Variants in IPP observed in about 807,000 individuals in gnomAD.
The protein encoded by IPP is intracisternal A particle-promoted polypeptide.
Under a neutral mutation model 64.1 loss-of-function variants are expected in IPP, and 41 were observed. That is an observed-to-expected ratio of 0.64 (90% confidence interval 0.50 to 0.83). The LOEUF is 0.83. IPP is among the 40% of genes least tolerant of loss of function. The probability of loss-of-function intolerance (pLI) is 0.00; values close to 1 mark genes in which losing one functional copy is unlikely to be tolerated. For missense variants in IPP, 649 were observed against 703.0 expected (o/e 0.92, Z 0.87); for synonymous variants, 214 against 235.2 (o/e 0.91, Z 0.83).
chr1:45,738,853 A>AC (rs1231472047), intron 3 of IPP, among the ~76,000 whole-genome samples: 2 of 148,986 alleles, frequency 1.3e-5, no homozygotes, highest in African/African-American at 5.0e-5. Context: ...AAAAAAAAAA[A>AC]AAAAAAAAAA....
chr1:45,718,205 T>A (rs1645686468), intron 6 of IPP, among the ~76,000 whole-genome samples: 1 of 152,224 alleles, frequency 6.6e-6, no homozygotes, highest in South Asian at 2.1e-4. Context: ...TTAGACATAA[T>A]TAGGCCACTA....
chr1:45,711,426 G>A (rs1291182335), intron 8 of IPP, among the ~76,000 whole-genome samples: 1 of 151,568 alleles, frequency 6.6e-6, no homozygotes, highest in East Asian at 1.9e-4. Context: ...AAGGAAAGAA[G>A]AAGATAAAAT....
At position 45,700,219 on chromosome 1, in the gene IPP, T is replaced by C. The variant is rs370802684; in HGVS notation, c.1531-29A>G. 1.0e-5 allele frequency: 16 copies of C among 1,592,480 alleles called. No homozygotes were observed. The African/African-American group carries it at 1.9e-4, about 19-fold the overall frequency. On this transcript the variant is annotated intron_variant, in intron 8 of 8. Coordinates refer to ENST00000396478, the MANE Select transcript of IPP (RefSeq NM_005897.3). ...GTTAAGAGAGAAAAAAAAAATATGT[T>C]AGCAGTGTTATGAAATGATAGTAAA...
chr1:45,704,391 C>T (rs1354970913), intron 8 of IPP, among the ~76,000 whole-genome samples: 2 of 152,090 alleles, frequency 1.3e-5, no homozygotes, highest in East Asian at 3.9e-4. Context: ...GCGCCTGCCA[C>T]CACGCCCAGC....
chr1:45,726,229 C>A lies in IPP; in HGVS notation c.1048+1402G>T, dbSNP rs187212576. 2.9e-3 allele frequency among the ~76,000 whole-genome samples: 432 copies of A among 149,204 alleles called. 4 individuals carry two copies. The highest frequency in any genetic ancestry group is 0.011 in the Middle Eastern group (3 of 278). ...ATCCCAGCACTATGGGAGGCTGAGG[C>A]GGATGGATCACCTGAGGTCGGGAGT... On this transcript the variant is annotated intron_variant, in intron 5 of 8. Transcript: ENST00000396478.
At chr1:45,698,463 A>G (rs1645406879), downstream of IPP, among the ~76,000 whole-genome samples, 1 of 152,174 alleles carries the variant, frequency 6.6e-6, no homozygotes, top group Non-Finnish European at 1.5e-5. Context: ...AGAAGTTTTG[A>G]GAAGCAGTTT....
At chr1:45,695,537 A>G (rs1366099523), downstream of IPP, among the ~76,000 whole-genome samples, 3 of 152,194 alleles carry the variant, frequency 2.0e-5, no homozygotes, top group East Asian at 5.8e-4. Flanking sequence ...ACTCTACTTA[A>G]GGTGGAGAAA....
At chr1:45,722,881 A>G (rs369535170) in intron 5 of IPP, among the ~76,000 whole-genome samples, 1 of 152,258 alleles carries the variant, frequency 6.6e-6, no homozygotes, top group Admixed American at 6.5e-5. Context: ...GTCAGACACA[A>G]TATTATATGA....
chr1:45,699,908 CA>C lies in IPP; in HGVS notation c.*57del, dbSNP rs1645429496. On this transcript the variant is annotated 3_prime_UTR_variant, in exon 9 of 9. Coordinates refer to ENST00000396478, the MANE Select transcript of IPP (RefSeq NM_005897.3). ...TATCACCAAATCTATGTTTGCTTTG[CA>C]AAAGGTCAGGTCCTGCATTTTCAAA... 1.9e-6 allele frequency: 3 copies of C among 1,581,050 alleles called. No individual in the cohort carries two copies. Among genetic ancestry groups the C allele is most frequent in the Non-Finnish European group, 2.6e-6 (3 of 1,162,130 alleles).
rs1309357574 is a variant in IPP at position 45,741,789 on chromosome 1, C to T, written c.293-457G>A. Among the ~76,000 whole-genome samples the T allele has an allele frequency of 3.0e-4, 38 of 126,974 alleles. 8 individuals carry two copies. Among genetic ancestry groups the T allele is most frequent in the African/African-American group, 9.5e-4 (34 of 35,606 alleles). 83.3% of individuals were successfully genotyped at this position (126,974 alleles called of 152,430 possible). ...GACTACAGGCGCCCGCCACTGCGCCCGGCTAATTTTTTGTATTTTTAGTAG... is the reference window on the plus strand; with the variant it reads ...GACTACAGGCGCCCGCCACTGCGCCTGGCTAATTTTTTGTATTTTTAGTAG... On this transcript the variant is annotated intron_variant, in intron 2 of 8. Coordinates refer to ENST00000396478, the MANE Select transcript of IPP (RefSeq NM_005897.3).
downstream of IPP, among the ~76,000 whole-genome samples, chr1:45,695,827 GC>G (rs1645383210): frequency 1.3e-5 from 2 of 152,244 alleles, no homozygotes; most frequent in South Asian, 4.1e-4. Flanking sequence ...GCGCCACCAT[GC>G]CCAGCTAATT....
chr1:45,707,828 C>G (rs1328191380), intron 8 of IPP, among the ~76,000 whole-genome samples: 1 of 151,912 alleles, frequency 6.6e-6, no homozygotes, highest in Non-Finnish European at 1.5e-5. Flanking sequence ...TTGATTAAAG[C>G]TATAATCCCA....
intron 7 of IPP, among the ~76,000 whole-genome samples, chr1:45,715,725 A>G (rs1161020923): frequency 6.6e-6 from 1 of 152,202 alleles, no homozygotes; most frequent in Admixed American, 6.6e-5. Flanking sequence ...CAGCTATGAG[A>G]AAAGATAACT....
Position 45,741,075 on chromosome 1 carries a change from T to C in IPP, c.550A>G (p.Ile184Val), listed in dbSNP as rs142176810. 6 of 1,614,032 alleles carry C rather than the reference T, an allele frequency of 3.7e-6. No homozygotes were observed. The African/African-American group carries it at 8.0e-5, about 22-fold the overall frequency. ...AGCTCTTCACTTCGCAAAATTTTGA[T>C]CAGCTGATCTTTCGTAAGTGCCAGG... ...EFLALTKDQL[I>V]KILRSEELSI... is the part of the protein sequence containing the mutation. Residue 184 changes from isoleucine (I) to valine (V), a missense_variant, in exon 3 of 9, where the codon ATC becomes GTC. Physicochemically the swap from Ile to Val is conservative, Grantham distance 29. Transcript: ENST00000396478.
intron 3 of IPP, among the ~76,000 whole-genome samples, chr1:45,730,910 A>G (rs182389518): frequency 2.0e-5 from 3 of 152,370 alleles, no homozygotes; most frequent in Admixed American, 2.0e-4. Flanking sequence ...TAAAAGGGAA[A>G]GTCTTTACAA....
intron 5 of IPP, among the ~76,000 whole-genome samples, chr1:45,724,957 C>T (rs1645793031): frequency 6.8e-6 from 1 of 146,008 alleles, no homozygotes; most frequent in African/African-American, 2.5e-5. Context: ...GCCCGGCCGC[C>T]CCTACTGGGA....
chr1:45,741,630 T>C lies in IPP; in HGVS notation c.293-298A>G, dbSNP rs892795919. ...TATTATTTTTCTTATTTTCTTTTTT[T>C]TTTTTTTTTTTTTTTTGAGACGGAG... On this transcript the variant is annotated intron_variant, in intron 2 of 8. Transcript: ENST00000396478. Among the ~76,000 whole-genome samples, 11 of 61,996 alleles carry C rather than the reference T, an allele frequency of 1.8e-4. 2 individuals carry two copies. Among genetic ancestry groups the C allele is most frequent in the Admixed American group, 3.1e-4 (2 of 6,424 alleles). The allele number at this position is 61,996 out of a possible 152,430, so 40.7% of individuals were successfully genotyped here.
intron 2 of IPP, among the ~76,000 whole-genome samples, chr1:45,744,938 G>A (rs1301389454): frequency 6.6e-6 from 1 of 152,062 alleles, no homozygotes; most frequent in Admixed American, 6.6e-5. Flanking sequence ...GCACATACCT[G>A]TAGTCACAGC....
intron 3 of IPP, among the ~76,000 whole-genome samples, chr1:45,731,383 G>A (rs1482786749): frequency 6.6e-6 from 1 of 152,174 alleles, no homozygotes; most frequent in Non-Finnish European, 1.5e-5. Context: ...CAAGGCTTCA[G>A]TGACTATGAC....
Sources: allele counts gnomAD v4.1 joint callset (sites outside exome capture counted in the v4.1 genomes callset), GRCh38; gene constraint gnomAD v4.1.1; transcripts MANE v1.5; gene names NCBI Gene and HGNC (gene_info 2026-07-23, HGNC 2026-07-21).